Variants in CDC42SE2 observed in about 807,000 individuals in gnomAD.
CDC42SE2 encodes CDC42 small effector 2, also known as CDC42 small effector protein 2.
A neutral mutation model predicts 11.5 loss-of-function variants in CDC42SE2; 3 were observed. The observed-to-expected ratio is 0.26, with a 90% confidence interval of 0.12 to 0.67. The LOEUF is 0.67. Ranked by LOEUF, CDC42SE2 falls within the 30% of genes least tolerant of loss-of-function variation. The pLI is 0.80. For missense variants in CDC42SE2, 82 were observed against 106.8 expected (o/e 0.77, Z 1.02); for synonymous variants, 33 against 34.8 (o/e 0.95, Z 0.18).
the CDC42SE2 span, among the ~76,000 whole-genome samples, chr5:131,217,228 C>A: frequency 1.3e-3 from 202 of 152,262 alleles, 1 homozygote; most frequent in Non-Finnish European, 2.3e-3. Context: ...TACTTTCTTG[C>A]TACAGCAACA....
At chr5:131,273,471 A>G (rs1265437833) in intron 1 of CDC42SE2, among the ~76,000 whole-genome samples, 1 of 147,700 alleles carries the variant, frequency 6.8e-6, no homozygotes, top group Non-Finnish European at 1.5e-5. Flanking sequence ...TTTTTTTTTA[A>G]TTAAAAAACT....
At chr5:131,353,024 T>C (rs1245145103) in intron 2 of CDC42SE2, among the ~76,000 whole-genome samples, 1 of 152,142 alleles carries the variant, frequency 6.6e-6, no homozygotes, top group Admixed American at 6.5e-5. Context: ...TTTACTGCAG[T>C]GGCGCGTCTT....
the CDC42SE2 span, among the ~76,000 whole-genome samples, chr5:131,236,450 G>A: frequency 2.0e-5 from 3 of 151,792 alleles, no homozygotes; most frequent in African/African-American, 2.4e-5. Flanking sequence ...TTTTTGAGAC[G>A]GAGTCTTGCT....
intron 1 of CDC42SE2, among the ~76,000 whole-genome samples, chr5:131,284,060 C>T (rs188921751): frequency 1.3e-5 from 2 of 152,256 alleles, no homozygotes; most frequent in Non-Finnish European, 1.5e-5. Flanking sequence ...TCTAAAGTGG[C>T]TGCATAGTTT....
chr5:131,292,694 A>G (rs894325654), intron 1 of CDC42SE2, among the ~76,000 whole-genome samples: 11 of 151,832 alleles, frequency 7.2e-5, no homozygotes, highest in Admixed American at 4.6e-4. Context: ...TGATAGTTCA[A>G]GACCAGTCTG....
intron 3 of CDC42SE2, among the ~76,000 whole-genome samples, chr5:131,365,811 T>C (rs1333159391): frequency 6.6e-6 from 1 of 152,018 alleles, no homozygotes; most frequent in Non-Finnish European, 1.5e-5. Flanking sequence ...TGAAACCCCG[T>C]CTCTACTAAA....
chr5:131,324,791 A>G (rs191907525), intron 2 of CDC42SE2, among the ~76,000 whole-genome samples: 13 of 152,286 alleles, frequency 8.5e-5, no homozygotes, highest in African/African-American at 2.9e-4. Context: ...TTGGAAGTTA[A>G]TATTTCTGTG....
intron 1 of CDC42SE2, among the ~76,000 whole-genome samples, chr5:131,292,906 CAAAAAAAAAAAAAAAA>C (rs869300653): frequency 1.7e-5 from 1 of 58,898 alleles, no homozygotes; most frequent in East Asian, 5.4e-4. Context: ...GACCCTGTCT[CAAAAAAAAAAAAAAAA>C]AAAAAAAAAA....
intron 2 of CDC42SE2, among the ~76,000 whole-genome samples, chr5:131,343,924 A>T (rs1054883322): frequency 5.9e-5 from 9 of 152,176 alleles, no homozygotes; most frequent in African/African-American, 2.2e-4. Flanking sequence ...ACACTCTTTC[A>T]TGTTTGAGCC....
At chr5:131,304,937 A>G (rs913543923) in intron 1 of CDC42SE2, among the ~76,000 whole-genome samples, 1 of 152,188 alleles carries the variant, frequency 6.6e-6, no homozygotes, top group African/African-American at 2.4e-5. Flanking sequence ...TGGCATGTGT[A>G]TATTCCTGTG....
At chr5:131,308,372 G>T (rs1345530310) in intron 1 of CDC42SE2, among the ~76,000 whole-genome samples, 1 of 151,840 alleles carries the variant, frequency 6.6e-6, no homozygotes, top group African/African-American at 2.4e-5. Context: ...TTGAAGTCAG[G>T]TAGTGTGATG....
chr5:131,216,202 C>T, the CDC42SE2 span, among the ~76,000 whole-genome samples: 1 of 152,130 alleles, frequency 6.6e-6, no homozygotes, highest in African/African-American at 2.4e-5. Context: ...AGGCCCAGCA[C>T]AGTAGCTCAC....
At chr5:131,345,760 T>A (rs1758825361) in intron 2 of CDC42SE2, among the ~76,000 whole-genome samples, 1 of 152,166 alleles carries the variant, frequency 6.6e-6, no homozygotes, top group African/African-American at 2.4e-5. Flanking sequence ...AAAGGTCGGG[T>A]TACCCACAAA....
In CDC42SE2 at chr5:131,332,109, C is replaced by T. The variant is rs150082488; in HGVS notation, c.-286+15965C>T. ...ATTAGGTATATCTCCTAATGCTATCCCTCCCCACTCCCCCCACTCCACAAC... is the reference window on the plus strand; with the variant it reads ...ATTAGGTATATCTCCTAATGCTATCTCTCCCCACTCCCCCCACTCCACAAC... On this transcript the variant is annotated intron_variant, in intron 2 of 4. Transcript: ENST00000505065. 5.7e-3 allele frequency among the ~76,000 whole-genome samples: 872 copies of T among 152,054 alleles called. 14 individuals carry two copies. The highest frequency in any genetic ancestry group is 0.02 in the African/African-American group (824 of 41,442).
chr5:131,363,341 T>G (rs1375956536), intron 3 of CDC42SE2, among the ~76,000 whole-genome samples: 2 of 152,156 alleles, frequency 1.3e-5, no homozygotes, highest in Admixed American at 6.5e-5. Flanking sequence ...TAGCACTGAT[T>G]TTTTGTAATG....
intron 3 of CDC42SE2, among the ~76,000 whole-genome samples, chr5:131,380,512 A>G (rs1411274385): frequency 2.6e-5 from 4 of 152,162 alleles, no homozygotes; most frequent in Non-Finnish European, 5.9e-5. Context: ...ATTGTGCCTT[A>G]AAATACTGCA....
intron 1 of CDC42SE2, among the ~76,000 whole-genome samples, chr5:131,288,689 T>G (rs1413541723): frequency 6.6e-6 from 1 of 152,158 alleles, no homozygotes; most frequent in Non-Finnish European, 1.5e-5. Flanking sequence ...GAGAGCAAAT[T>G]AGGGATTTTT....
intron 1 of CDC42SE2, among the ~76,000 whole-genome samples, chr5:131,308,009 G>C (rs528200365): frequency 1.4e-4 from 22 of 152,118 alleles, no homozygotes; most frequent in African/African-American, 3.4e-4. Flanking sequence ...TTCTCCCATT[G>C]TGTAGGTTGC....
chr5:131,254,604 G>A (rs1756665703), intron 1 of CDC42SE2, among the ~76,000 whole-genome samples: 1 of 151,746 alleles, frequency 6.6e-6, no homozygotes, highest in Non-Finnish European at 1.5e-5. Flanking sequence ...TAAGTCTTTA[G>A]GTGGCTGCTG....
Sources: allele counts gnomAD v4.1 joint callset (sites outside exome capture counted in the v4.1 genomes callset), GRCh38; gene constraint gnomAD v4.1.1; transcripts MANE v1.5; gene names NCBI Gene and HGNC (gene_info 2026-07-23, HGNC 2026-07-21).